LAMA3: variants seen among roughly 807,000 people sequenced by gnomAD.
LAMA3 encodes laminin subunit alpha 3.
In LAMA3, 281 loss-of-function variants were observed where a neutral mutation model predicts 402.0. The ratio of observed to expected loss-of-function variants is 0.70; its 90% CI spans 0.63 to 0.77. LAMA3 has a LOEUF of 0.77. LAMA3 is among the 30% of genes least tolerant of loss of function. LAMA3 has a pLI of 0.00. For missense variants in LAMA3, 3,840 were observed against 4,215.5 expected, an observed-to-expected ratio of 0.91 and a Z score of 2.47; for synonymous variants, 1,431 against 1,558.4, an observed-to-expected ratio of 0.92 and a Z score of 1.93.
At position 23,689,951 on chromosome 18, in the gene LAMA3, G is replaced by C; in HGVS notation, c.268G>C (p.Ala90Pro). 1 of 1,517,990 alleles carries C rather than the reference G, an allele frequency of 6.6e-7. No homozygotes were observed. Among genetic ancestry groups the C allele is most frequent in the Non-Finnish European group, 8.8e-7 (1 of 1,132,538 alleles). The allele number at this position is 1,517,990 out of a possible 1,614,324, so 94.0% of individuals were successfully genotyped here. A position where few individuals can be genotyped will look rare whatever the true frequency, so the allele number is the denominator to read the frequency against. Residue 90 changes from alanine (A) to proline (P), a missense_variant, in exon 1 of 75, where the codon GCC becomes CCC. Physicochemically the swap from Ala to Pro is conservative, Grantham distance 27 (BLOSUM62 -1). This residue lies in a region of LAMA3 where 2,109 missense variants were observed against 2,376.0 expected (regional missense o/e 0.89). Coordinates refer to ENST00000313654, the MANE Select transcript of LAMA3 (RefSeq NM_198129.4). ...LYCKLVGGPT[A>P]PGSGHTIQGQ... The stretch of plus-strand genomic sequence containing the variant: ...CTGCAAGTTGGTCGGGGGCCCCACC[G>C]CCCCAGGCAGCGGCCACACCATCCA...
chr18:23,890,457 G>T (rs953402062), intron 42 of LAMA3, among the ~76,000 whole-genome samples: 9 of 152,040 alleles, frequency 5.9e-5, no homozygotes, highest in African/African-American at 2.2e-4. Context: ...TGATATTGTA[G>T]GGTTATTGTC....
chr18:23,837,094 G>A lies in LAMA3; in HGVS notation c.3093+5G>A. 1 of 1,591,090 alleles carries A rather than the reference G, an allele frequency of 6.3e-7. No homozygotes were observed. Among genetic ancestry groups the A allele is most frequent in the Non-Finnish European group, 8.6e-7 (1 of 1,159,398 alleles). On this transcript the variant is annotated splice_donor_5th_base_variant and intron_variant, in intron 25 of 74. Transcript: ENST00000313654. The stretch of plus-strand genomic sequence containing the variant: ...CACATGGCCCGATTCCTTCTGGTAT[G>A]CTTCTGTTTTGCCCATTGAATTTTA...
At chr18:23,840,146 T>C (rs1306117994) in intron 27 of LAMA3, among the ~76,000 whole-genome samples, 7 of 152,116 alleles carry the variant, frequency 4.6e-5, no homozygotes, top group Non-Finnish European at 8.8e-5. Flanking sequence ...CTGTCTTCTG[T>C]GAAGAGTCCC....
intron 2 of LAMA3, among the ~76,000 whole-genome samples, chr18:23,736,686 G>C (rs2061480633): frequency 6.6e-6 from 1 of 152,118 alleles, no homozygotes; most frequent in African/African-American, 2.4e-5. Flanking sequence ...GATTTTGGGG[G>C]AAAATCCTAA....
intron 68 of LAMA3, among the ~76,000 whole-genome samples, chr18:23,941,417 A>G (rs1265472091): frequency 3.3e-5 from 5 of 150,342 alleles, no homozygotes; most frequent in Non-Finnish European, 5.9e-5. Flanking sequence ...CTTCCCGTCC[A>G]ACATTAAACC....
Position 23,914,542 on chromosome 18 carries a change from G to A in LAMA3, c.7462G>A (p.Asp2488Asn). 1 of 1,614,152 alleles carries A rather than the reference G, an allele frequency of 6.2e-7. No homozygotes were observed. The highest frequency in any genetic ancestry group is 2.2e-5 in the East Asian group (1 of 44,886). ...TKSETKEAVM[D>N]RVKFQRIYQF... ...GAGTGAGACTAAGGAGGCAGTTATG[G>A]ATCGGGTGAAATTTCAGAGGTACAA... Residue 2488 changes from aspartate (D) to asparagine (N), a missense_variant, in exon 57 of 75, where the codon GAT (aspartate) becomes AAT (asparagine). Physicochemically the swap from Asp to Asn is conservative, Grantham distance 23. Coordinates refer to ENST00000313654, the MANE Select transcript of LAMA3 (RefSeq NM_198129.4).
chr18:23,692,798 T>C (rs1263121228), intron 1 of LAMA3, among the ~76,000 whole-genome samples: 1 of 152,136 alleles, frequency 6.6e-6, no homozygotes, highest in Non-Finnish European at 1.5e-5. Context: ...TCCTTTTCTA[T>C]ATATATTTAG....
intron 2 of LAMA3, among the ~76,000 whole-genome samples, chr18:23,718,459 G>A (rs912458546): frequency 2.0e-5 from 3 of 152,212 alleles, no homozygotes; most frequent in African/African-American, 7.2e-5. Context: ...AATGTGTAAT[G>A]TTTCCAAGAG....
intron 8 of LAMA3, among the ~76,000 whole-genome samples, chr18:23,763,731 C>A (rs963405535): frequency 1.3e-5 from 2 of 152,144 alleles, no homozygotes; most frequent in Admixed American, 1.3e-4. Context: ...TTTACCCACA[C>A]CCCTTTGATC....
At chr18:23,870,915 G>A (rs1006816149) in intron 37 of LAMA3, among the ~76,000 whole-genome samples, 1 of 152,188 alleles carries the variant, frequency 6.6e-6, no homozygotes, top group Non-Finnish European at 1.5e-5. Flanking sequence ...GCAATGTTGT[G>A]CTTATAGTTA....
At chr18:23,698,833 C>G (rs1027349283) in intron 1 of LAMA3, among the ~76,000 whole-genome samples, 15 of 152,132 alleles carry the variant, frequency 9.9e-5, no homozygotes, top group Non-Finnish European at 1.6e-4. Flanking sequence ...CAGAAAAGAC[C>G]CCTGTCCTCA....
chr18:23,931,392 C>T lies in LAMA3; in HGVS notation c.8576+191C>T, dbSNP rs1241620218. ...AAATAAACTGCCACACATGGTGGCT[C>T]ATGTCTGTAATCCCAACAACTAAGA... On this transcript the variant is annotated intron_variant, in intron 65 of 74. Coordinates refer to ENST00000313654, the MANE Select transcript of LAMA3 (RefSeq NM_198129.4). The T allele has an allele frequency of 1.3e-5, 8 of 601,260 alleles. No individual in the cohort carries two copies. The African/African-American group carries it at 1.5e-4, about 11-fold the overall frequency. The allele number at this position is 601,260 out of a possible 1,614,324, so 37.2% of individuals were successfully genotyped here. A position where few individuals can be genotyped will look rare whatever the true frequency, so the allele number is the denominator to read the frequency against.
At chr18:23,701,979 G>A (rs187206809) in intron 1 of LAMA3, among the ~76,000 whole-genome samples, 169 of 152,208 alleles carry the variant, frequency 1.1e-3, no homozygotes, top group African/African-American at 3.8e-3. Flanking sequence ...AATCCTGATC[G>A]GAATGATCTA....
chr18:23,706,336 G>A (rs143186341), intron 1 of LAMA3, among the ~76,000 whole-genome samples: 1 of 152,144 alleles, frequency 6.6e-6, no homozygotes, highest in Admixed American at 6.5e-5. Flanking sequence ...TTTGGTTTAT[G>A]AGTTTGAGAG....
intron 12 of LAMA3, among the ~76,000 whole-genome samples, chr18:23,791,750 A>C (rs1203945861): frequency 2.0e-5 from 3 of 151,486 alleles, no homozygotes; most frequent in Non-Finnish European, 4.4e-5. Flanking sequence ...AAAAAAAAAA[A>C]AAAAAACCAC....
At position 23,876,530 on chromosome 18, in the gene LAMA3, A is replaced by G. The variant is rs1392555945; in HGVS notation, c.5112+123A>G. On this transcript the variant is annotated intron_variant, in intron 39 of 74. Coordinates refer to ENST00000313654, the MANE Select transcript of LAMA3 (RefSeq NM_198129.4). ...AAACCCTAAATAGAGGTCGCTGTGT[A>G]AATATATGAGGCTCCATTATCAGGC... 20 of 678,874 alleles carry G rather than the reference A, an allele frequency of 2.9e-5. No individual in the cohort carries two copies. In the East Asian group the frequency reaches 5.1e-4, roughly 17 times the overall value. The allele number at this position is 678,874 out of a possible 1,614,324, so 42.1% of individuals were successfully genotyped here.
In LAMA3 at chr18:23,903,015, G is replaced by GT. The variant is rs780089218; in HGVS notation, c.6209dup (p.Lys2071GlufsTer9). 1 of 1,597,146 alleles carries GT rather than the reference G, an allele frequency of 6.3e-7. No individual in the cohort carries two copies. Among genetic ancestry groups the GT allele is most frequent in the East Asian group, 2.2e-5 (1 of 44,804 alleles). ...TTTTTTTTATTTTCTCCAGAGACAA[G>GT]TGAAAGAAATAAATTCCCTGCAGAG... On this transcript the variant is annotated frameshift_variant, in exon 49 of 75. Transcript: ENST00000313654. LOFTEE classifies it high-confidence loss of function.
At chr18:23,840,198 T>G (rs552449489) in intron 27 of LAMA3, among the ~76,000 whole-genome samples, 3 of 152,296 alleles carry the variant, frequency 2.0e-5, no homozygotes, top group African/African-American at 7.2e-5. Context: ...GGACCACCCC[T>G]GCCTGATGCC....
intron 2 of LAMA3, among the ~76,000 whole-genome samples, chr18:23,716,722 G>A (rs1255617799): frequency 6.6e-6 from 1 of 152,216 alleles, no homozygotes; most frequent in Non-Finnish European, 1.5e-5. Flanking sequence ...CATAAGGCCT[G>A]TGTCCACCCA....
Sources: gnomAD v4.1 joint callset for allele counts (sites outside exome capture counted in the v4.1 genomes callset) on GRCh38, gnomAD v4.1.1 for gene constraint, gnomAD v4.1.1 regional missense constraint, MANE v1.5 for transcripts, NCBI Gene and HGNC (gene_info 2026-07-23, HGNC 2026-07-21) for gene names.